Variants in CRTC3 observed in about 807,000 individuals in gnomAD.
The protein encoded by CRTC3 is CREB regulated transcription coactivator 3.
In CRTC3, 26 loss-of-function variants were observed where a neutral mutation model predicts 74.5. The ratio of observed to expected loss-of-function variants is 0.35; its 90% CI spans 0.26 to 0.48. The LOEUF (loss-of-function observed/expected upper bound fraction) is 0.48, where lower values mean the gene tolerates loss of function less well. CRTC3 is among the 20% of genes least tolerant of loss of function. The probability of loss-of-function intolerance (pLI) is 0.99; values close to 1 mark genes in which losing one functional copy is unlikely to be tolerated. For synonymous variants in CRTC3, 377 were observed against 325.8 expected (o/e 1.16, Z -1.69); for missense variants, 760 against 787.3 (o/e 0.97, Z 0.41).
chr15:90,588,801 A>T (rs1020004804), intron 2 of CRTC3, among the ~76,000 whole-genome samples: 1 of 152,056 alleles, frequency 6.6e-6, no homozygotes, highest in Non-Finnish European at 1.5e-5. Flanking sequence ...CTTTGACAAG[A>T]TGCTTCCCAG....
intron 1 of CRTC3, among the ~76,000 whole-genome samples, chr15:90,536,483 C>T (rs796682070): frequency 8.4e-6 from 1 of 119,198 alleles, no homozygotes; most frequent in African/African-American, 2.9e-5. Context: ...CAACAGAGAC[C>T]CTGTCTCAAA....
chr15:90,541,439 A>G (rs1457930650), intron 2 of CRTC3, among the ~76,000 whole-genome samples: 1 of 152,198 alleles, frequency 6.6e-6, no homozygotes, highest in Non-Finnish European at 1.5e-5. Flanking sequence ...AAAGTACTAC[A>G]TGAACATATT....
In CRTC3 at chr15:90,625,830, G is replaced by A; in HGVS notation, c.804G>A (p.Leu268=). ...GCCTCTCACCCTTCTTGGGGACCTT[G>A]AACACTGGAGGGTCATTGCCAGATC... ...NLGLSPFLGT[L]NTGGSLPDLT... is the part of the protein sequence containing the mutation. Residue 268 remains leucine (L), a synonymous_variant, in exon 10 of 15, where the codon TTG becomes TTA. Transcript: ENST00000268184. The A allele has an allele frequency of 1.9e-6, 3 of 1,614,180 alleles. No homozygotes were observed. Among genetic ancestry groups the A allele is most frequent in the Non-Finnish European group, 2.5e-6 (3 of 1,180,016 alleles).
In CRTC3 at chr15:90,562,878, G is replaced by T. The variant is rs115943330; in HGVS notation, c.231+22741G>T. The stretch of plus-strand genomic sequence containing the variant: ...CAGGAGCCAAAAGGTCAGAAAGCCA[G>T]TGAGAATGGGGTGGGCCAACAGGAG... On this transcript the variant is annotated intron_variant, in intron 2 of 14. Coordinates refer to ENST00000268184, the MANE Select transcript of CRTC3 (RefSeq NM_022769.5). 4.9e-3 allele frequency among the ~76,000 whole-genome samples: 753 copies of T among 152,208 alleles called. 3 individuals are homozygous for T. Among genetic ancestry groups the T allele is most frequent in the African/African-American group, 0.017 (721 of 41,510 alleles).
chr15:90,623,165 C>G (rs773309754), intron 9 of CRTC3, among the ~76,000 whole-genome samples: 1 of 152,116 alleles, frequency 6.6e-6, no homozygotes, highest in African/African-American at 2.4e-5. Context: ...TTGTGGAGGC[C>G]TTTCTCTGCT....
chr15:90,567,814 T>C (rs1165132614), intron 2 of CRTC3, among the ~76,000 whole-genome samples: 1 of 152,248 alleles, frequency 6.6e-6, no homozygotes, highest in Non-Finnish European at 1.5e-5. Context: ...CAACATCTGT[T>C]CTGCAGCCCA....
rs140697676 is a variant in CRTC3 at position 90,638,398 on chromosome 15, G to A, written c.1267-48G>A. On this transcript the variant is annotated intron_variant, in intron 11 of 14. Coordinates refer to ENST00000268184, the MANE Select transcript of CRTC3 (RefSeq NM_022769.5). ...ATTTCCTAATCCTAAAGGACTTAACGCCAGAAACGCAGAAGCTCATTAGTG... is the reference window on the plus strand; with the variant it reads ...ATTTCCTAATCCTAAAGGACTTAACACCAGAAACGCAGAAGCTCATTAGTG... The A allele has an allele frequency of 2.1e-4, 318 of 1,531,952 alleles. No individual in the cohort carries two copies. In the African/African-American group the frequency reaches 3.9e-3, roughly 19 times the overall value. 94.9% of individuals were successfully genotyped at this position (1,531,952 alleles called of 1,614,324 possible).
intron 3 of CRTC3, among the ~76,000 whole-genome samples, chr15:90,597,675 T>C (rs752515678): frequency 6.6e-6 from 1 of 152,192 alleles, no homozygotes; most frequent in African/African-American, 2.4e-5. Context: ...TAACCCAGAA[T>C]TTCAAAACTT....
At chr15:90,542,285 T>G (rs189793344) in intron 2 of CRTC3, among the ~76,000 whole-genome samples, 13 of 151,982 alleles carry the variant, frequency 8.6e-5, no homozygotes, top group South Asian at 2.1e-4. Flanking sequence ...TTCAAGAGAT[T>G]CTTCTGCCTC....
At chr15:90,640,913 C>T (rs1969415736) in intron 13 of CRTC3, 184 bp from the exon 14 acceptor site, 1 of 589,514 alleles carries the variant, frequency 1.7e-6, no homozygotes, top group Non-Finnish European at 3.0e-6. Context: ...ACCCCAGCGT[C>T]TGCCTGCCTG....
intron 11 of CRTC3, among the ~76,000 whole-genome samples, chr15:90,633,073 CATT>C (rs1969100319): frequency 6.6e-6 from 1 of 152,178 alleles, no homozygotes; most frequent in African/African-American, 2.4e-5. Context: ...CCACCCTCCT[CATT>C]TATTATAATT....
intron 2 of CRTC3, among the ~76,000 whole-genome samples, chr15:90,583,802 T>C (rs1230191043): frequency 6.6e-6 from 1 of 152,092 alleles, no homozygotes; most frequent in Non-Finnish European, 1.5e-5. Flanking sequence ...GGTCTGACGC[T>C]GGAGATTTGT....
intron 2 of CRTC3, among the ~76,000 whole-genome samples, chr15:90,583,686 G>T (rs977509572): frequency 6.6e-6 from 1 of 152,122 alleles, no homozygotes; most frequent in Admixed American, 6.5e-5. Flanking sequence ...AGCCTCACAG[G>T]AGTTTTGTGA....
chr15:90,631,742 T>A (rs71407316), intron 11 of CRTC3, among the ~76,000 whole-genome samples: 35,233 of 144,308 alleles, frequency 0.24, 5,131 homozygotes, highest in African/African-American at 0.41. Context: ...AAAAAAAAAA[T>A]TAGAATTAAA....
chr15:90,576,949 A>C (rs1015777053), intron 2 of CRTC3, among the ~76,000 whole-genome samples: 31 of 152,194 alleles, frequency 2.0e-4, no homozygotes, highest in African/African-American at 7.2e-4. Flanking sequence ...GAGGAGGAAT[A>C]GGATGATGCA....
intron 2 of CRTC3, among the ~76,000 whole-genome samples, chr15:90,587,159 A>C (rs1434607141): frequency 6.6e-6 from 1 of 152,238 alleles, no homozygotes; most frequent in African/African-American, 2.4e-5. Flanking sequence ...TCTAGTTGCA[A>C]CTTTTCAGCC....
chr15:90,622,829 C>G (rs188326913), intron 9 of CRTC3, among the ~76,000 whole-genome samples: 1 of 152,036 alleles, frequency 6.6e-6, no homozygotes, highest in Non-Finnish European at 1.5e-5. Context: ...CCAGCCTGGG[C>G]GACAGAGCAA....
chr15:90,639,590 CA>C (rs1969366647), intron 13 of CRTC3, among the ~76,000 whole-genome samples: 1 of 151,128 alleles, frequency 6.6e-6, no homozygotes. Context: ...ATTGGGGTTA[CA>C]GGCATGTACC....
chr15:90,610,952 G>T (rs1035381877), intron 6 of CRTC3, among the ~76,000 whole-genome samples: 1 of 152,226 alleles, frequency 6.6e-6, no homozygotes, highest in Non-Finnish European at 1.5e-5. Context: ...GCTCCTTAGC[G>T]TGGAGGGGGC....
Sources: gnomAD v4.1 joint callset for allele counts (sites outside exome capture counted in the v4.1 genomes callset) on GRCh38, gnomAD v4.1.1 for gene constraint, MANE v1.5 for transcripts, NCBI Gene and HGNC (gene_info 2026-07-23, HGNC 2026-07-21) for gene names.